The following BIRC6 variants were observed in gnomAD, a reference collection of about 807,000 sequenced individuals.
The protein encoded by BIRC6 is baculoviral IAP repeat containing 6, also known as dual E2 ubiquitin-conjugating enzyme/E3 ubiquitin-protein ligase BIRC6.
Under a neutral mutation model 503.3 loss-of-function variants are expected in BIRC6, and 98 were observed. The observed-to-expected ratio is 0.19, with a 90% CI of 0.17 to 0.23. The LOEUF (loss-of-function observed/expected upper bound fraction) is 0.23. Among genes scored for constraint, BIRC6 ranks in the 10% least tolerant of loss-of-function variants. BIRC6 has a pLI of 1.00. For synonymous variants in BIRC6, 2,240 were observed against 2,078.7 expected (o/e 1.08, Z -2.11); for missense variants, 5,360 against 5,806.0 (o/e 0.92, Z 2.50).
At chr2:32,481,183 TG>T (rs1351178109) in intron 37 of BIRC6, 136 bp from the exon 38 acceptor site, 39 of 694,588 alleles carry the variant, frequency 5.6e-5, no homozygotes, top group Non-Finnish European at 8.5e-5. Flanking sequence ...TGGAGCGAAA[TG>T]TTTGCATACA....
intron 22 of BIRC6, among the ~76,000 whole-genome samples, chr2:32,449,792 A>G (rs2148543984): frequency 6.6e-6 from 1 of 152,348 alleles, no homozygotes; most frequent in Non-Finnish European, 1.5e-5. Flanking sequence ...TTAGCTATTT[A>G]AACTTGTTTG....
rs150127918 is a variant in BIRC6, at chr2:32,499,648, C to G, written c.8570C>G (p.Ser2857Cys). 3,066 of 1,613,910 alleles carry G rather than the reference C, an allele frequency of 1.9e-3. 5 individuals are homozygous for G. Among genetic ancestry groups the G allele is most frequent in the South Asian group, 5.3e-3 (480 of 91,078 alleles). The change falls in exon 46 of 74, where the codon TCT becomes TGT. Residue 2857 changes from serine (S) to cysteine (C), a missense_variant. By Grantham distance (112) the Ser-to-Cys change is moderately radical. Transcript: ENST00000421745. ...GAAGTCGTTTCAGTTAGTACTATTTCTGCCGTGATAGAATCGGTTACATTT... is the reference window on the plus strand; with the variant it reads ...GAAGTCGTTTCAGTTAGTACTATTTGTGCCGTGATAGAATCGGTTACATTT... ...NFEVVSVSTI[S>C]AVIESVTFLV...
intron 6 of BIRC6, among the ~76,000 whole-genome samples, chr2:32,397,847 G>A (rs2040142262): frequency 6.6e-6 from 1 of 151,964 alleles, no homozygotes; most frequent in African/African-American, 2.4e-5. Flanking sequence ...ATGGAAAGTT[G>A]ATTAAAATTT....
chr2:32,503,532 C>T (rs567844399), intron 49 of BIRC6, among the ~76,000 whole-genome samples: 4 of 152,250 alleles, frequency 2.6e-5, no homozygotes, highest in African/African-American at 7.2e-5. Context: ...CAAGCGATTC[C>T]TGCCTCAGCC....
intron 61 of BIRC6, among the ~76,000 whole-genome samples, chr2:32,540,917 G>C (rs1312751000): frequency 6.6e-6 from 1 of 152,002 alleles, no homozygotes; most frequent in East Asian, 1.9e-4. Context: ...TTAAAAATTT[G>C]TATCTGTATA....
At chr2:32,516,746 T>C (rs2055089260) in intron 55 of BIRC6, among the ~76,000 whole-genome samples, 1 of 152,144 alleles carries the variant, frequency 6.6e-6, no homozygotes, top group African/African-American at 2.4e-5. Flanking sequence ...AGAGTAATTC[T>C]AGTTGGCTTT....
intron 9 of BIRC6, among the ~76,000 whole-genome samples, chr2:32,406,844 A>G: frequency 6.6e-6 from 1 of 152,306 alleles, no homozygotes; most frequent in South Asian, 2.1e-4. Flanking sequence ...TTTTATTTGT[A>G]TAATGTATTC....
At chr2:32,533,759 T>G (rs1005378389) in intron 61 of BIRC6, among the ~76,000 whole-genome samples, 1 of 152,162 alleles carries the variant, frequency 6.6e-6, no homozygotes, top group African/African-American at 2.4e-5. Flanking sequence ...CTCTGGAAGC[T>G]GGAAAAGGTG....
intron 69 of BIRC6, 67 bp from the exon 70 acceptor site, chr2:32,599,672 T>G: frequency 6.7e-7 from 1 of 1,482,578 alleles, no homozygotes; most frequent in Non-Finnish European, 9.3e-7. Flanking sequence ...CATGTTGGAT[T>G]GTATTTTTCT....
intron 28 of BIRC6, 70 bp from the exon 29 acceptor site, chr2:32,468,367 C>T (rs2048779043): frequency 2.3e-6 from 3 of 1,290,482 alleles, no homozygotes; most frequent in Non-Finnish European, 3.2e-6. Context: ...AGATTTAATT[C>T]TTAGTATTTG....
At chr2:32,574,050 A>G (rs2060090912) in intron 65 of BIRC6, among the ~76,000 whole-genome samples, 1 of 152,024 alleles carries the variant, frequency 6.6e-6, no homozygotes, top group African/African-American at 2.4e-5. Context: ...CTTCTTAAAT[A>G]TCTGCTGCAT....
chr2:32,511,795 T>G (rs2054483296), intron 53 of BIRC6, among the ~76,000 whole-genome samples: 1 of 152,068 alleles, frequency 6.6e-6, no homozygotes, highest in African/African-American at 2.4e-5. Flanking sequence ...ATGAAGTCAT[T>G]TGATGTTTTA....
intron 15 of BIRC6, 49 bp from the exon 16 acceptor site, chr2:32,439,459 A>C (rs765453405): frequency 1.3e-6 from 2 of 1,529,496 alleles, no homozygotes; most frequent in Non-Finnish European, 8.9e-7. Flanking sequence ...AAAACAGTGG[A>C]ATTTATTGGT....
intron 23 of BIRC6, among the ~76,000 whole-genome samples, chr2:32,457,717 A>G (rs2148714520): frequency 6.6e-6 from 1 of 151,980 alleles, no homozygotes; most frequent in African/African-American, 2.4e-5. Flanking sequence ...TTTATCTGGT[A>G]TGATGTTTCT....
chr2:32,441,308 A>G lies in BIRC6; in HGVS notation c.3811-21A>G, dbSNP rs1415501817. The G allele has an allele frequency of 2.8e-6, 4 of 1,412,224 alleles. No homozygotes were observed. In the African/African-American group the frequency reaches 4.4e-5, roughly 15 times the overall value. The allele number at this position is 1,412,224 out of a possible 1,614,324, so 87.5% of individuals were successfully genotyped here. On this transcript the variant is annotated intron_variant, in intron 16 of 73. Transcript: ENST00000421745. ...TAGTTTAGTTTATTTTTTAAAATTCATTATTATTTGTAATGTTTAGGAAAA... is the reference window on the plus strand; with the variant it reads ...TAGTTTAGTTTATTTTTTAAAATTCGTTATTATTTGTAATGTTTAGGAAAA...
intron 10 of BIRC6, among the ~76,000 whole-genome samples, chr2:32,426,460 G>A (rs528991686): frequency 3.9e-4 from 59 of 152,278 alleles, no homozygotes; most frequent in Non-Finnish European, 6.3e-4. Context: ...AAAATTAGCC[G>A]GGTGTGGTGG....
At chr2:32,579,825 T>C (rs2060544024) in intron 66 of BIRC6, among the ~76,000 whole-genome samples, 1 of 152,162 alleles carries the variant, frequency 6.6e-6, no homozygotes, top group African/African-American at 2.4e-5. Context: ...AGATCTGGCC[T>C]GGTCACAAAA....
chr2:32,617,397 T>C (rs1237645096), intron 73 of BIRC6, among the ~76,000 whole-genome samples: 2 of 151,730 alleles, frequency 1.3e-5, no homozygotes, highest in African/African-American at 2.4e-5. Context: ...CGAGACTCCG[T>C]CTCAAAAAAA....
chr2:32,515,840 GTAA>G, intron 55 of BIRC6, 70 bp downstream of exon 55: 3 of 1,378,364 alleles, frequency 2.2e-6, no homozygotes, highest in Middle Eastern at 2.0e-4. Flanking sequence ...TAAAGGCCAG[GTAA>G]TAATAAATTT....
Sources: allele counts gnomAD v4.1 joint callset (sites outside exome capture counted in the v4.1 genomes callset), GRCh38; gene constraint gnomAD v4.1.1; transcripts MANE v1.5; gene names NCBI Gene and HGNC (gene_info 2026-07-23, HGNC 2026-07-21).